The following RBFOX1 variants were observed in gnomAD, a reference collection of about 807,000 sequenced individuals.
RBFOX1 encodes the protein RNA binding fox-1 homolog 1.
In RBFOX1, 8 loss-of-function variants were observed where a neutral mutation model predicts 57.7. That is an observed-to-expected ratio of 0.14 (90% CI 0.08 to 0.25). The LOEUF (loss-of-function observed/expected upper bound fraction) is 0.25. RBFOX1 is among the 10% of genes least tolerant of loss of function. The pLI is 1.00. For synonymous variants in RBFOX1, 326 were observed against 222.4 expected (o/e 1.47, Z -4.15); for missense variants, 611 against 548.5 (o/e 1.11, Z -1.14).
At chr16:6,014,942 AG>A (rs1355353585), upstream of RBFOX1, among the ~76,000 whole-genome samples, 1 of 151,534 alleles carries the variant, frequency 6.6e-6, no homozygotes, top group Non-Finnish European at 1.5e-5. Flanking sequence ...TGTAGCCTCA[AG>A]CTCCCAGGCT....
chr16:6,755,835 G>T (rs1284930411), intron 3 of RBFOX1, among the ~76,000 whole-genome samples: 2 of 152,062 alleles, frequency 1.3e-5, no homozygotes, highest in African/African-American at 4.8e-5. Context: ...AAGTAATATG[G>T]ATTCTTTCAG....
intron 2 of RBFOX1, among the ~76,000 whole-genome samples, chr16:6,421,342 CA>C (rs2093766437): frequency 6.6e-6 from 1 of 152,160 alleles, no homozygotes. Context: ...GAAAATCTGA[CA>C]AATCATGTTG....
chr16:6,819,350 T>A (rs1488647823), intron 3 of RBFOX1, among the ~76,000 whole-genome samples: 1 of 152,166 alleles, frequency 6.6e-6, no homozygotes, highest in East Asian at 1.9e-4. Context: ...AATATTGGTC[T>A]ACAGTGAACA....
At chr16:6,497,443 C>T (rs921817747) in intron 2 of RBFOX1, among the ~76,000 whole-genome samples, 1 of 152,012 alleles carries the variant, frequency 6.6e-6, no homozygotes, top group Non-Finnish European at 1.5e-5. Flanking sequence ...CCAGAGAGCA[C>T]TTGGAGAAAG....
chr16:5,775,539 A>G (rs1430570379), intron 3 of RBFOX1, among the ~76,000 whole-genome samples: 1 of 152,242 alleles, frequency 6.6e-6, no homozygotes, highest in Admixed American at 6.5e-5. Context: ...TATATGGCAC[A>G]GGCTCAGAGG....
chr16:5,976,769 T>G (rs1282856472), intron 4 of RBFOX1, among the ~76,000 whole-genome samples: 2 of 152,034 alleles, frequency 1.3e-5, no homozygotes, highest in African/African-American at 2.4e-5. Context: ...CTTGGGGGGC[T>G]TAGCCAGGAG....
intron 4 of RBFOX1, among the ~76,000 whole-genome samples, chr16:7,248,478 C>T (rs1021871383): frequency 3.9e-5 from 6 of 152,160 alleles, no homozygotes; most frequent in African/African-American, 1.4e-4. Flanking sequence ...CAGAGACTTT[C>T]ACGCTTACAC....
chr16:6,578,680 A>G (rs1047647757), intron 2 of RBFOX1, among the ~76,000 whole-genome samples: 3 of 151,932 alleles, frequency 2.0e-5, no homozygotes, highest in Non-Finnish European at 4.4e-5. Flanking sequence ...AACCCCAGAG[A>G]GAGAGAAACA....
intron 3 of RBFOX1, among the ~76,000 whole-genome samples, chr16:6,705,916 G>C (rs2062655770): frequency 6.6e-6 from 1 of 152,158 alleles, no homozygotes; most frequent in African/African-American, 2.4e-5. Context: ...TACTCAGGAG[G>C]CTGGTGTGGG....
chr16:6,537,170 A>T (rs933553295), intron 2 of RBFOX1, among the ~76,000 whole-genome samples: 6 of 152,012 alleles, frequency 3.9e-5, no homozygotes, highest in African/African-American at 1.4e-4. Context: ...CCTACAATGC[A>T]TATTCTGTTT....
chr16:5,782,104 G>C (rs2054342878), intron 3 of RBFOX1, among the ~76,000 whole-genome samples: 2 of 152,240 alleles, frequency 1.3e-5, no homozygotes, highest in Non-Finnish European at 2.9e-5. Flanking sequence ...CCAGCTACTT[G>C]GGAGGCTGAG....
chr16:5,835,455 A>G (rs977498785), intron 3 of RBFOX1, among the ~76,000 whole-genome samples: 3 of 152,226 alleles, frequency 2.0e-5, no homozygotes, highest in Non-Finnish European at 4.4e-5. Flanking sequence ...TTTTGAGTAT[A>G]TCAGTCCTCC....
chr16:7,123,273 G>C (rs1403083398), intron 4 of RBFOX1, among the ~76,000 whole-genome samples: 1 of 152,096 alleles, frequency 6.6e-6, no homozygotes, highest in Non-Finnish European at 1.5e-5. Flanking sequence ...TATATCTCCA[G>C]CCCATAGCAT....
chr16:6,559,407 G>C (rs1006666591), intron 2 of RBFOX1, among the ~76,000 whole-genome samples: 4 of 151,964 alleles, frequency 2.6e-5, no homozygotes, highest in African/African-American at 9.7e-5. Flanking sequence ...TCCACACACA[G>C]CTGCTAGTAC....
intron 3 of RBFOX1, among the ~76,000 whole-genome samples, chr16:6,930,029 C>T (rs2076250571): frequency 6.6e-6 from 1 of 152,184 alleles, no homozygotes; most frequent in Non-Finnish European, 1.5e-5. Flanking sequence ...CTTCTCTCCA[C>T]ATCCTTGCTT....
chr16:5,957,476 C>A (rs929446600), intron 4 of RBFOX1, among the ~76,000 whole-genome samples: 3 of 152,136 alleles, frequency 2.0e-5, no homozygotes, highest in African/African-American at 7.2e-5. Context: ...CTGCCTGACT[C>A]GGCCTCCCAA....
chr16:6,840,992 C>T (rs895963349), intron 3 of RBFOX1, among the ~76,000 whole-genome samples: 1 of 151,986 alleles, frequency 6.6e-6, no homozygotes, highest in Non-Finnish European at 1.5e-5. Flanking sequence ...ACTCACCAGA[C>T]ACTGAATCTG....
At chr16:7,567,217 A>C (rs796724800) in intron 5 of RBFOX1, among the ~76,000 whole-genome samples, 20 of 112,228 alleles carry the variant, frequency 1.8e-4, no homozygotes, top group Middle Eastern at 5.9e-3. Flanking sequence ...ATAAATATCC[A>C]TATATATATC....
At chr16:7,025,378 G>C (rs911492306) in intron 3 of RBFOX1, among the ~76,000 whole-genome samples, 8 of 152,110 alleles carry the variant, frequency 5.3e-5, no homozygotes, top group African/African-American at 1.7e-4. Flanking sequence ...ACTGCAAACT[G>C]TTTTTATCAG....
Sources: allele counts gnomAD v4.1 joint callset (sites outside exome capture counted in the v4.1 genomes callset), GRCh38; gene constraint gnomAD v4.1.1; transcripts MANE v1.5; gene names NCBI Gene and HGNC (gene_info 2026-07-23, HGNC 2026-07-21).